Variants in ANK3 observed in about 807,000 individuals in gnomAD.
ANK3 encodes ankyrin 3, also known as ankyrin-3.
A neutral mutation model predicts 370.9 loss-of-function variants in ANK3; 57 were observed. That is an observed-to-expected ratio of 0.15 (90% CI 0.12 to 0.19). ANK3 has a LOEUF of 0.19. ANK3 is among the 10% of genes least tolerant of loss of function. ANK3 has a pLI of 1.00. For missense variants in ANK3, 4,439 were observed against 5,302.1 expected (o/e 0.84, Z 5.06); for synonymous variants, 1,929 against 1,946.3 (o/e 0.99, Z 0.23).
rs115755744 is a variant in ANK3, at chr10:60,644,239, A to G, written c.58-29015T>C. 3.3e-5 allele frequency among the ~76,000 whole-genome samples: 5 copies of G among 152,194 alleles called. No homozygotes were observed. In the East Asian group the frequency reaches 9.6e-4, roughly 29 times the overall value. Reference sequence around the variant, plus strand: ...CTTATCAGGCATGGTCAATCTCTTGATAGAAGTGCCCAGAGAAAATAAGGA... The same window carrying G: ...CTTATCAGGCATGGTCAATCTCTTGGTAGAAGTGCCCAGAGAAAATAAGGA... On this transcript the variant is annotated intron_variant, in intron 1 of 43. Transcript: ENST00000373827.
intron 8 of ANK3, among the ~76,000 whole-genome samples, chr10:60,226,549 ACT>A (rs2097159822): frequency 1.3e-4 from 3 of 23,822 alleles, no homozygotes; most frequent in South Asian, 2.6e-3. Flanking sequence ...TAGTATATAT[ACT>A]ATAGTATATA....
intron 1 of ANK3, among the ~76,000 whole-genome samples, chr10:60,713,981 A>C (rs2079747388): frequency 6.6e-6 from 1 of 152,160 alleles, no homozygotes; most frequent in Admixed American, 6.5e-5. Flanking sequence ...AATAGAATTA[A>C]TAAAGCTCTA....
At chr10:60,133,543 G>A (rs750296459) in intron 25 of ANK3, among the ~76,000 whole-genome samples, 3 of 152,084 alleles carry the variant, frequency 2.0e-5, no homozygotes, top group Non-Finnish European at 2.9e-5. Flanking sequence ...TTGAAGCTAA[G>A]GGAACAAAAA....
chr10:60,425,905 T>C (rs980007375), intron 2 of ANK3, among the ~76,000 whole-genome samples: 2 of 152,138 alleles, frequency 1.3e-5, no homozygotes. Flanking sequence ...CCACGGGACC[T>C]TGAGAAAGCC....
At chr10:60,491,492 C>T (rs1163339330) in intron 2 of ANK3, among the ~76,000 whole-genome samples, 1 of 152,190 alleles carries the variant, frequency 6.6e-6, no homozygotes, top group Admixed American at 6.5e-5. Flanking sequence ...CCCATAAATA[C>T]TTTACCAATC....
rs549362494 is a variant in ANK3, at chr10:60,275,015, T to G, written c.414+3759A>C. 1.9e-3 allele frequency among the ~76,000 whole-genome samples: 285 copies of G among 152,326 alleles called. 1 individual carries two copies. The highest frequency in any genetic ancestry group is 6.5e-3 in the African/African-American group (270 of 41,582). On this transcript the variant is annotated intron_variant, in intron 4 of 43. Transcript: ENST00000280772. ...TCATTAGACAACCTAGAGCCATAAC[T>G]GTTTGCTGTGAAATGGCACATGGAT...
intron 1 of ANK3, among the ~76,000 whole-genome samples, chr10:60,377,868 C>A (rs985996086): frequency 6.6e-6 from 1 of 152,160 alleles, no homozygotes; most frequent in African/African-American, 2.4e-5. Flanking sequence ...TCAGAGGGTT[C>A]ATTTAACTGT....
At chr10:60,309,915 CTTTTTTCTTTT>C (rs2045969465) in intron 1 of ANK3, among the ~76,000 whole-genome samples, 4 of 143,036 alleles carry the variant, frequency 2.8e-5, no homozygotes, top group East Asian at 4.0e-4. Context: ...CTTTTCTTTT[CTTTTTTCTTTT>C]TTTTTTTTTT....
At chr10:60,512,326 T>A (rs2076106580) in intron 2 of ANK3, among the ~76,000 whole-genome samples, 1 of 151,998 alleles carries the variant, frequency 6.6e-6, no homozygotes, top group South Asian at 2.1e-4. Flanking sequence ...CATCAAACAA[T>A]GCAAATAATC....
intron 2 of ANK3, among the ~76,000 whole-genome samples, chr10:60,395,578 T>C (rs547626330): frequency 8.0e-6 from 1 of 125,748 alleles, no homozygotes; most frequent in African/African-American, 3.2e-5. Flanking sequence ...CTTTCTTTCT[T>C]TCTTTCTTTC....
At chr10:60,220,748 G>C (rs1263622462) in intron 8 of ANK3, among the ~76,000 whole-genome samples, 1 of 152,092 alleles carries the variant, frequency 6.6e-6, no homozygotes, top group Non-Finnish European at 1.5e-5. Flanking sequence ...ATACAACCAA[G>C]CTGTACCCGA....
Position 60,482,631 on chromosome 10 carries a change from T to G in ANK3, c.96+132555A>C, listed in dbSNP as rs2075254196. On this transcript the variant is annotated intron_variant, in intron 2 of 43. Coordinates refer to the ANK3 transcript ENST00000373827. Reference sequence around the variant, plus strand: ...TCTCTCTAGTAGCTGGGACTACAGGTGCATGCCACCATGTCTGGCTAATTT... The same window carrying G: ...TCTCTCTAGTAGCTGGGACTACAGGGGCATGCCACCATGTCTGGCTAATTT... Among the ~76,000 whole-genome samples the G allele has an allele frequency of 2.6e-5, 4 of 151,998 alleles. No individual in the cohort carries two copies. The South Asian group carries it at 8.3e-4, about 31-fold the overall frequency.
At chr10:60,292,713 CT>C (rs55791354) in intron 1 of ANK3, among the ~76,000 whole-genome samples, 191 of 138,880 alleles carry the variant, frequency 1.4e-3, no homozygotes, top group Non-Finnish European at 1.5e-3. Flanking sequence ...GACTTTCTTT[CT>C]TTTTTTTTTT....
intron 2 of ANK3, among the ~76,000 whole-genome samples, chr10:60,542,352 A>T (rs1220542173): frequency 6.6e-6 from 1 of 151,884 alleles, no homozygotes; most frequent in Non-Finnish European, 1.5e-5. Flanking sequence ...TTACTTTGGG[A>T]ATGACATTCC....
chr10:60,689,020 A>G (rs535222470), intron 1 of ANK3, among the ~76,000 whole-genome samples: 2 of 152,194 alleles, frequency 1.3e-5, no homozygotes, highest in African/African-American at 4.8e-5. Context: ...TCCCTGTTTT[A>G]GCCACTATGT....
intron 1 of ANK3, among the ~76,000 whole-genome samples, chr10:60,377,318 G>A (rs543605869): frequency 1.3e-5 from 2 of 152,314 alleles, no homozygotes; most frequent in East Asian, 1.9e-4. Flanking sequence ...GACATTTCAA[G>A]GGGTTACTAG....
At position 60,240,217 on chromosome 10, in the gene ANK3, T is replaced by C. The variant is rs9665717; in HGVS notation, c.799-5431A>G. Reference sequence around the variant, plus strand: ...ATACACACACACATATATATACACATATATATATACACACATATATATACA... The same window carrying C: ...ATACACACACACATATATATACACACATATATATACACACATATATATACA... On this transcript the variant is annotated intron_variant, in intron 7 of 43. Transcript: ENST00000280772. Among the ~76,000 whole-genome samples the C allele has an allele frequency of 6.5e-4, 91 of 139,148 alleles. 2 individuals are homozygous for C. Among genetic ancestry groups the C allele is most frequent in the African/African-American group, 2.0e-3 (72 of 35,606 alleles). 91.3% of individuals were successfully genotyped at this position (139,148 alleles called of 152,430 possible). A position where few individuals can be genotyped will look rare whatever the true frequency, so the allele number is the denominator to read the frequency against.
intron 2 of ANK3, among the ~76,000 whole-genome samples, chr10:60,578,083 T>C (rs982023342): frequency 6.6e-6 from 1 of 152,246 alleles, no homozygotes; most frequent in Non-Finnish European, 1.5e-5. Flanking sequence ...TACACTAGAT[T>C]CATTTTTGAC....
At chr10:60,121,709 A>G (rs1445449963) in intron 25 of ANK3, among the ~76,000 whole-genome samples, 1 of 150,490 alleles carries the variant, frequency 6.6e-6, no homozygotes, top group East Asian at 1.9e-4. Flanking sequence ...AAAAAAAAGT[A>G]TAAGACCCTA....
Sources: gnomAD v4.1 joint callset for allele counts (sites outside exome capture counted in the v4.1 genomes callset) on GRCh38, gnomAD v4.1.1 for gene constraint, MANE v1.5 for transcripts, NCBI Gene and HGNC (gene_info 2026-07-23, HGNC 2026-07-21) for gene names.